Variants in SH3GL2 observed in about 807,000 individuals in gnomAD.
The protein encoded by SH3GL2 is endophilin-A1.
Under a neutral mutation model 46.0 loss-of-function variants are expected in SH3GL2, and 24 were observed. The ratio of observed to expected loss-of-function variants is 0.52; its 90% CI spans 0.38 to 0.73. SH3GL2 has a LOEUF of 0.73. Among genes scored for constraint, SH3GL2 ranks in the 30% least tolerant of loss-of-function variants. The pLI, the probability that SH3GL2 is intolerant of heterozygous loss-of-function variation, is 0.00. For missense variants in SH3GL2, 413 were observed against 424.2 expected, an observed-to-expected ratio of 0.97 and a Z score of 0.23; for synonymous variants, 196 against 147.1, an observed-to-expected ratio of 1.33 and a Z score of -2.40.
chr9:17,650,890 T>C (rs1479860398), intron 1 of SH3GL2, among the ~76,000 whole-genome samples: 2 of 152,198 alleles, frequency 1.3e-5, no homozygotes, highest in Non-Finnish European at 2.9e-5. Flanking sequence ...ACTGGTCATC[T>C]TATGTCCTTA....
chr9:17,761,810 T>A (rs1325025380), intron 3 of SH3GL2, among the ~76,000 whole-genome samples: 5 of 152,168 alleles, frequency 3.3e-5, no homozygotes, highest in Admixed American at 3.3e-4. Flanking sequence ...TGTTATCAGT[T>A]TGAACTTTCA....
intron 2 of SH3GL2, among the ~76,000 whole-genome samples, chr9:17,753,515 G>A (rs1822906102): frequency 6.6e-6 from 1 of 152,062 alleles, no homozygotes; most frequent in African/African-American, 2.4e-5. Context: ...CTTTTTAATG[G>A]GGTTGTTTGC....
At chr9:17,698,731 CT>C (rs1821270433) in intron 1 of SH3GL2, among the ~76,000 whole-genome samples, 1 of 152,196 alleles carries the variant, frequency 6.6e-6, no homozygotes, top group South Asian at 2.1e-4. Context: ...TAAATTATAC[CT>C]GAACTCCTCT....
chr9:17,731,624 C>A (rs770269877), intron 1 of SH3GL2, among the ~76,000 whole-genome samples: 2 of 152,130 alleles, frequency 1.3e-5, no homozygotes, highest in Non-Finnish European at 2.9e-5. Flanking sequence ...TCTAGAACCA[C>A]AAGAAGGTAA....
chr9:17,786,266 CT>C lies in SH3GL2; in HGVS notation c.188-113del. ...AACACTGGAGCGTACTGAAGGTACACTTATCAGTAGCTGAGCTACTTTGTAG... is the reference window on the plus strand; with the variant it reads ...AACACTGGAGCGTACTGAAGGTACACTATCAGTAGCTGAGCTACTTTGTAG... On this transcript the variant is annotated intron_variant, in intron 3 of 8. Transcript: ENST00000380607. The C allele has an allele frequency of 3.3e-6, 3 of 910,076 alleles. No homozygotes were observed. In the South Asian group the frequency reaches 5.1e-5, roughly 16 times the overall value. The allele number at this position is 910,076 out of a possible 1,614,324, so 56.4% of individuals were successfully genotyped here.
intron 1 of SH3GL2, among the ~76,000 whole-genome samples, chr9:17,714,410 C>T (rs1452545690): frequency 6.6e-6 from 1 of 151,622 alleles, no homozygotes; most frequent in East Asian, 1.9e-4. Flanking sequence ...TATTTGCTTT[C>T]TATTTGTTTA....
intron 1 of SH3GL2, among the ~76,000 whole-genome samples, chr9:17,657,072 G>T (rs1185602477): frequency 6.6e-6 from 1 of 152,158 alleles, no homozygotes; most frequent in Admixed American, 6.6e-5. Context: ...CCTAGGGAAT[G>T]GTTGTGAAGT....
intron 1 of SH3GL2, among the ~76,000 whole-genome samples, chr9:17,722,769 A>G (rs879317400): frequency 6.6e-6 from 1 of 152,060 alleles, no homozygotes; most frequent in East Asian, 1.9e-4. Flanking sequence ...TTTTCTTCAT[A>G]AATTAGCCAT....
intron 2 of SH3GL2, among the ~76,000 whole-genome samples, chr9:17,759,924 A>G (rs1194335456): frequency 3.3e-5 from 5 of 152,220 alleles, no homozygotes; most frequent in African/African-American, 9.6e-5. Context: ...CACATGTACC[A>G]TGGAGTTTCA....
intron 1 of SH3GL2, among the ~76,000 whole-genome samples, chr9:17,728,197 ACT>A (rs1480462730): frequency 2.6e-5 from 4 of 151,986 alleles, no homozygotes; most frequent in African/African-American, 9.7e-5. Context: ...TAGGAACCTG[ACT>A]CTTGTGGTGC....
chr9:17,608,205 T>G (rs1379428713), intron 1 of SH3GL2, among the ~76,000 whole-genome samples: 1 of 142,184 alleles, frequency 7.0e-6, no homozygotes, highest in Non-Finnish European at 1.5e-5. Flanking sequence ...TGGAGTGCAG[T>G]GGCACAATCT....
At chr9:17,608,076 A>G (rs900606230) in intron 1 of SH3GL2, among the ~76,000 whole-genome samples, 1 of 151,854 alleles carries the variant, frequency 6.6e-6, no homozygotes, top group African/African-American at 2.4e-5. Flanking sequence ...ACTTGTATAT[A>G]TAAACAAGTG....
At chr9:17,659,547 A>T (rs1029578947) in intron 1 of SH3GL2, among the ~76,000 whole-genome samples, 17 of 152,068 alleles carry the variant, frequency 1.1e-4, no homozygotes, top group Non-Finnish European at 2.4e-4. Context: ...TAAACTCTAG[A>T]TTGTCTCATT....
chr9:17,643,916 C>G (rs1819743935), intron 1 of SH3GL2, among the ~76,000 whole-genome samples: 1 of 152,226 alleles, frequency 6.6e-6, no homozygotes, highest in East Asian at 1.9e-4. Context: ...GGCACCAGCT[C>G]CTCTTTGTAC....
intron 1 of SH3GL2, among the ~76,000 whole-genome samples, chr9:17,638,027 G>A (rs533438639): frequency 3.5e-4 from 53 of 152,028 alleles, no homozygotes; most frequent in Non-Finnish European, 7.4e-4. Flanking sequence ...CATGGTGGCA[G>A]GCGCCTGTAG....
At chr9:17,764,031 G>T (rs918527171) in intron 3 of SH3GL2, among the ~76,000 whole-genome samples, 1 of 152,166 alleles carries the variant, frequency 6.6e-6, no homozygotes, top group East Asian at 1.9e-4. Flanking sequence ...GTTTAGAAAT[G>T]ACATTTTTAA....
chr9:17,725,864 T>G (rs924107580), intron 1 of SH3GL2, among the ~76,000 whole-genome samples: 15 of 152,072 alleles, frequency 9.9e-5, no homozygotes, highest in African/African-American at 3.6e-4. Flanking sequence ...CCTGCCCCTT[T>G]CAGGTGAAAC....
At chr9:17,725,595 GAGTC>G (rs1822001459) in intron 1 of SH3GL2, among the ~76,000 whole-genome samples, 1 of 152,154 alleles carries the variant, frequency 6.6e-6, no homozygotes, top group Non-Finnish European at 1.5e-5. Flanking sequence ...CTGTGGCACT[GAGTC>G]AGAGTTGTGG....
chr9:17,736,960 C>T (rs1688762175), intron 1 of SH3GL2, among the ~76,000 whole-genome samples: 1 of 152,050 alleles, frequency 6.6e-6, no homozygotes, highest in Admixed American at 6.6e-5. Flanking sequence ...CCCAAATGCC[C>T]ATCAATGATA....
Sources: gnomAD v4.1 joint callset for allele counts (sites outside exome capture counted in the v4.1 genomes callset) on GRCh38, gnomAD v4.1.1 for gene constraint, MANE v1.5 for transcripts, NCBI Gene and HGNC (gene_info 2026-07-23, HGNC 2026-07-21) for gene names.